NKIRAS1: variants seen among roughly 807,000 people sequenced by gnomAD.
NKIRAS1 encodes NFKB inhibitor interacting Ras like 1.
Under a neutral mutation model 19.8 loss-of-function variants are expected in NKIRAS1, and 16 were observed. The ratio of observed to expected loss-of-function variants is 0.81; its 90% CI spans 0.55 to 1.23. NKIRAS1 has a LOEUF of 1.23. Ranked by LOEUF, NKIRAS1 falls within the 50% of genes most tolerant of loss-of-function variation. The pLI is 0.00. For synonymous variants in NKIRAS1, 88 were observed against 79.0 expected (o/e 1.11, Z -0.61); for missense variants, 184 against 220.0 (o/e 0.84, Z 1.04).
chr3:23,943,981 C>G lies in NKIRAS1; in HGVS notation c.-140+2342G>C, dbSNP rs953140820. Among the ~76,000 whole-genome samples the G allele has an allele frequency of 3.3e-5, 5 of 152,302 alleles. No individual in the cohort carries two copies. The South Asian group carries it at 1.0e-3, about 32-fold the overall frequency. The stretch of plus-strand genomic sequence containing the variant: ...CATTTTAAAAATAATACTTTGACTG[C>G]TGGGGAGAAGTGACTGTAGGAGGAC... On this transcript the variant is annotated intron_variant, in intron 1 of 4. Coordinates refer to the NKIRAS1 transcript ENST00000421515.
At chr3:23,920,756 T>C, upstream of NKIRAS1, 4 of 975,052 alleles carry the variant, frequency 4.1e-6, no homozygotes, top group Non-Finnish European at 4.9e-6. Flanking sequence ...CCTAAATTTC[T>C]TCACAAAAAA....
intron 1 of NKIRAS1, among the ~76,000 whole-genome samples, chr3:23,912,000 G>C (rs549874006): frequency 2.3e-4 from 35 of 151,946 alleles, no homozygotes; most frequent in African/African-American, 7.0e-4. Flanking sequence ...CTGACCTCAA[G>C]TGATCCGCCT....
At chr3:23,930,325 G>T (rs532329511) in intron 1 of NKIRAS1, among the ~76,000 whole-genome samples, 1 of 152,294 alleles carries the variant, frequency 6.6e-6, no homozygotes, top group African/African-American at 2.4e-5. Context: ...GCTAAGCCCA[G>T]CACTTTGGGT....
chr3:23,926,664 G>T lies in NKIRAS1; in HGVS notation c.-139-15214C>A, dbSNP rs184319259. 1.6e-4 allele frequency among the ~76,000 whole-genome samples: 24 copies of T among 152,002 alleles called. No homozygotes were observed. Among genetic ancestry groups the T allele is most frequent in the Non-Finnish European group, 2.8e-4 (19 of 68,018 alleles). The stretch of plus-strand genomic sequence containing the variant: ...TAATTACCACTTCCTTTGTCAGGGC[G>T]ATTTTAGGTTTTTAGAAGTTTTTGA... On this transcript the variant is annotated intron_variant, in intron 1 of 4. Coordinates refer to the NKIRAS1 transcript ENST00000421515. This position sits in a 1 kb window ranked among gnomAD's most constrained non-coding sequence, Gnocchi z 4.3.
chr3:23,930,500 C>G (rs191964309), intron 1 of NKIRAS1, among the ~76,000 whole-genome samples: 66 of 151,662 alleles, frequency 4.4e-4, no homozygotes, highest in Non-Finnish European at 2.9e-5. Context: ...ACTATACAAA[C>G]AGTTTTCAAT....
intron 1 of NKIRAS1, among the ~76,000 whole-genome samples, chr3:23,928,111 CACACACACACACACACAT>C (rs918491145): frequency 6.6e-6 from 1 of 150,892 alleles, no homozygotes; most frequent in African/African-American, 2.4e-5. Context: ...CACACACACA[CACACACACACACACACAT>C]ACACACACAC....
intron 4 of NKIRAS1, 79 bp downstream of exon 4, chr3:23,900,729 A>T: frequency 8.7e-7 from 1 of 1,146,936 alleles, no homozygotes. Context: ...ATGATCTGAA[A>T]ATAAACTACC....
chr3:23,908,367 C>A (rs1307139283), intron 3 of NKIRAS1, among the ~76,000 whole-genome samples: 4 of 152,066 alleles, frequency 2.6e-5, no homozygotes, highest in Admixed American at 2.0e-4. Context: ...AAGAAAAATA[C>A]CCATAATTAC....
chr3:23,933,358 A>C (rs1705346023), intron 1 of NKIRAS1, among the ~76,000 whole-genome samples: 1 of 152,198 alleles, frequency 6.6e-6, no homozygotes, highest in African/African-American at 2.4e-5. Context: ...GGGTAGGGGA[A>C]CAATTTTGTC....
At chr3:23,945,511 A>T in intron 1 of NKIRAS1, 3 of 931,888 alleles carry the variant, frequency 3.2e-6, no homozygotes, top group Non-Finnish European at 4.0e-6. Context: ...CGCGGCGCTG[A>T]GGCGGCGGCG....
At chr3:23,912,633 C>A (rs150882977) in intron 1 of NKIRAS1, among the ~76,000 whole-genome samples, 1 of 152,110 alleles carries the variant, frequency 6.6e-6, no homozygotes, top group Non-Finnish European at 1.5e-5. Context: ...GACAGTGTGG[C>A]GATTTCTCAA....
chr3:23,940,168 C>CAA (rs1293108063), intron 1 of NKIRAS1, among the ~76,000 whole-genome samples: 23 of 71,418 alleles, frequency 3.2e-4, no homozygotes, highest in East Asian at 1.4e-3. Context: ...CCATCTCTAC[C>CAA]AAAAAAAAAA....
At chr3:23,902,811 A>G (rs9846877) in intron 3 of NKIRAS1, among the ~76,000 whole-genome samples, 256 of 152,302 alleles carry the variant, frequency 1.7e-3, no homozygotes, top group African/African-American at 5.7e-3. Context: ...GGCTGTCTAG[A>G]CTGTGGGATA....
In NKIRAS1 at chr3:23,945,665, G is replaced by A. The variant is rs989733114; in HGVS notation, c.-140+658C>T. The A allele has an allele frequency of 4.8e-6, 5 of 1,042,684 alleles. No individual in the cohort carries two copies. The South Asian group carries it at 1.4e-4, about 29-fold the overall frequency. The allele number at this position is 1,042,684 out of a possible 1,614,324, so 64.6% of individuals were successfully genotyped here. A position where few individuals can be genotyped will look rare whatever the true frequency, so the allele number is the denominator to read the frequency against. On this transcript the variant is annotated intron_variant, in intron 1 of 4. Transcript: ENST00000421515. ...TCAGAGCCCGCGGGGCACTTTGGGGGGCGGCGGCAGGGGGTGTCCCCATGG... is the reference window on the plus strand; with the variant it reads ...TCAGAGCCCGCGGGGCACTTTGGGGAGCGGCGGCAGGGGGTGTCCCCATGG...
At chr3:23,901,154 A>C (rs1702479792) in intron 3 of NKIRAS1, 105 bp from the exon 4 acceptor site, 1 of 1,162,150 alleles carries the variant, frequency 8.6e-7, no homozygotes, top group Admixed American at 2.3e-5. Flanking sequence ...TATTTACCAC[A>C]TATAATAATC....
chr3:23,901,559 A>C (rs1343549281), intron 3 of NKIRAS1, among the ~76,000 whole-genome samples: 1 of 152,194 alleles, frequency 6.6e-6, no homozygotes, highest in Non-Finnish European at 1.5e-5. Flanking sequence ...TCTTTTAAAA[A>C]TGCATTTTAC....
chr3:23,890,580 C>T lies in NKIRAS1; in HGVS notation c.*2515G>A. 1 of 1,613,610 alleles carries T rather than the reference C, an allele frequency of 6.2e-7. No homozygotes were observed. The highest frequency in any genetic ancestry group is 8.5e-7 in the Non-Finnish European group (1 of 1,179,818). ...AGCAGAACATGACAGAATGGCCAGA[C>T]AGTGGACCAAGAGATACGCTACATA... On this transcript the variant is annotated 3_prime_UTR_variant, in exon 5 of 5. Transcript: ENST00000425478.
chr3:23,906,698 C>A (rs11918791), intron 3 of NKIRAS1, among the ~76,000 whole-genome samples: 78,594 of 149,202 alleles, frequency 0.53, 20,927 homozygotes, highest in Middle Eastern at 0.62. Flanking sequence ...GAGGTGGAGG[C>A]TGCAGTGAGG....
Position 23,900,992 on chromosome 3 carries a change from CGGTCTG to C in NKIRAS1, c.146_151del (p.Thr49_Asp50del), listed in dbSNP as rs755686242. The C allele has an allele frequency of 1.2e-6, 2 of 1,614,052 alleles. No individual in the cohort carries two copies. The highest frequency in any genetic ancestry group is 2.2e-5 in the South Asian group (2 of 91,082). ...AAGATGTAACTGTTCTTTTACTCCT[CGGTCTG>C]TTTCTACTGAAGCCATGTATACATC... On this transcript the variant is annotated inframe_deletion, in exon 4 of 5. Coordinates refer to ENST00000425478, the MANE Select transcript of NKIRAS1 (RefSeq NM_020345.4).
Sources: allele counts gnomAD v4.1 joint callset (sites outside exome capture counted in the v4.1 genomes callset), GRCh38; gene constraint gnomAD v4.1.1; non-coding constraint Gnocchi (gnomAD v3.1); transcripts MANE v1.5; gene names NCBI Gene and HGNC (gene_info 2026-07-23, HGNC 2026-07-21).